The following SV2C variants were observed in gnomAD, a reference collection of about 807,000 sequenced individuals.
The protein encoded by SV2C is synaptic vesicle glycoprotein 2C.
In SV2C, 49 loss-of-function variants were observed where a neutral mutation model predicts 79.7. The ratio of observed to expected loss-of-function variants is 0.61; its 90% CI spans 0.49 to 0.78. The LOEUF (loss-of-function observed/expected upper bound fraction) is 0.78, where lower values mean the gene tolerates loss of function less well. Among genes scored for constraint, SV2C ranks in the 30% least tolerant of loss-of-function variants. The pLI is 0.00. For synonymous variants in SV2C, 334 were observed against 333.2 expected (o/e 1.00, Z -0.03); for missense variants, 833 against 912.9 (o/e 0.91, Z 1.13).
Position 76,174,002 on chromosome 5 carries a change from G to A in SV2C, c.581-20917G>A, listed in dbSNP as rs766795128. On this transcript the variant is annotated intron_variant, in intron 2 of 12. Transcript: ENST00000502798. The stretch of plus-strand genomic sequence containing the variant: ...ATCCCTCATTGCTGTAAATTGCTCC[G>A]TTCCTGCAGTATCCAAGATTTCAAG... 3.0e-5 allele frequency: 47 copies of A among 1,565,246 alleles called. No individual in the cohort carries two copies. The East Asian group carries it at 4.3e-4, about 14-fold the overall frequency.
intron 2 of SV2C, among the ~76,000 whole-genome samples, chr5:76,182,210 T>C (rs1347361737): frequency 6.6e-6 from 1 of 152,202 alleles, no homozygotes; most frequent in East Asian, 1.9e-4. Flanking sequence ...CCTGTTCACA[T>C]AGAGTAGAAT....
At chr5:76,315,188 G>GCA (rs10606819) in intron 12 of SV2C, among the ~76,000 whole-genome samples, 12,076 of 145,066 alleles carry the variant, frequency 0.083, 777 homozygotes, top group African/African-American at 0.19. Context: ...ATGGCCAGGC[G>GCA]CACACACACA....
chr5:76,093,781 T>C (rs1034420545), intron 1 of SV2C, among the ~76,000 whole-genome samples: 4 of 147,066 alleles, frequency 2.7e-5, no homozygotes, highest in South Asian at 2.3e-4. Flanking sequence ...AAGAAACTCA[T>C]TGGAGAACAC....
At position 76,326,338 on chromosome 5, in the gene SV2C, A is replaced by C. The variant is rs1425431218; in HGVS notation, c.*791A>C. 2.6e-5 allele frequency: 4 copies of C among 151,916 alleles called. No homozygotes were observed. Among genetic ancestry groups the C allele is most frequent in the African/African-American group, 7.3e-5 (3 of 41,338 alleles). 9.4% of individuals were successfully genotyped at this position (151,916 alleles called of 1,614,324 possible). A position where few individuals can be genotyped will look rare whatever the true frequency, so the allele number is the denominator to read the frequency against. On this transcript the variant is annotated 3_prime_UTR_variant, in exon 13 of 13. Transcript: ENST00000502798. ...GCTTCTGCCTCCATTTACCACTCCC[A>C]CTCCTTCAGCTGCCCTTGGTCTTGC...
intron 2 of SV2C, chr5:76,173,770 C>T (rs1743412095): frequency 5.0e-6 from 8 of 1,610,230 alleles, no homozygotes; most frequent in Non-Finnish European, 6.8e-6. Flanking sequence ...CACAGTTGTT[C>T]CATTGTCTTG....
At chr5:76,178,268 A>G (rs1005011369) in intron 2 of SV2C, among the ~76,000 whole-genome samples, 6 of 152,370 alleles carry the variant, frequency 3.9e-5, no homozygotes, top group Admixed American at 1.3e-4. Flanking sequence ...AAGGAGAGGC[A>G]ACATAGACTT....
rs1426930086 is a variant in SV2C, at chr5:76,348,342, C to T, written c.2001-4788C>T. Among the ~76,000 whole-genome samples the T allele has an allele frequency of 2.0e-5, 3 of 152,170 alleles. No homozygotes were observed. In the East Asian group the frequency reaches 5.8e-4, roughly 29 times the overall value. On this transcript the variant is annotated intron_variant, in intron 12 of 12. Transcript: ENST00000322285. ...GTGCATCCATTTATCTATTCACCTA[C>T]TAACAAACATCTTGGTTGCCTCCAA...
chr5:75,859,987 AG>A, the SV2C span, among the ~76,000 whole-genome samples: 3 of 152,154 alleles, frequency 2.0e-5, no homozygotes, highest in African/African-American at 7.2e-5. Context: ...GCCCTGAGCA[AG>A]CCTCCGAAGC....
chr5:75,918,371 A>G, the SV2C span, among the ~76,000 whole-genome samples: 1 of 152,252 alleles, frequency 6.6e-6, no homozygotes, highest in Non-Finnish European at 1.5e-5. Flanking sequence ...TATGTAATTT[A>G]TAGGCTATTG....
intron 3 of SV2C, among the ~76,000 whole-genome samples, chr5:76,199,383 C>G (rs1369980013): frequency 6.6e-6 from 1 of 152,146 alleles, no homozygotes; most frequent in Non-Finnish European, 1.5e-5. Flanking sequence ...CCTAGGAGTA[C>G]AGTACTTGCC....
chr5:76,027,897 T>A, the SV2C span, among the ~76,000 whole-genome samples: 1 of 152,248 alleles, frequency 6.6e-6, no homozygotes, highest in Non-Finnish European at 1.5e-5. Context: ...TTACATGTCC[T>A]GCATGAGTAC....
chr5:76,031,135 A>C, the SV2C span, among the ~76,000 whole-genome samples: 1 of 152,182 alleles, frequency 6.6e-6, no homozygotes, highest in Non-Finnish European at 1.5e-5. Flanking sequence ...TAATGCCTCC[A>C]AGTCACAGTT....
exon 13 of SV2C, chr5:76,353,535 TAA>T: frequency 6.6e-6 from 1 of 152,554 alleles, no homozygotes; most frequent in East Asian, 1.9e-4. Context: ...CTTTATCACA[TAA>T]AGAGAGAAAA....
chr5:75,866,033 C>T, the SV2C span, among the ~76,000 whole-genome samples: 1 of 152,118 alleles, frequency 6.6e-6, no homozygotes, highest in Non-Finnish European at 1.5e-5. Context: ...AAATGCATCC[C>T]CTGCAGTAAG....
At chr5:76,272,414 C>A (rs1207325355) in intron 4 of SV2C, among the ~76,000 whole-genome samples, 1 of 152,184 alleles carries the variant, frequency 6.6e-6, no homozygotes. Context: ...AAAATTTGAT[C>A]TGGAAGAGAA....
chr5:76,112,326 C>T (rs1213051515), intron 1 of SV2C, among the ~76,000 whole-genome samples: 1 of 152,096 alleles, frequency 6.6e-6, no homozygotes, highest in Non-Finnish European at 1.5e-5. Flanking sequence ...GAAAGAACAC[C>T]AAAAGGAAGT....
intron 12 of SV2C, among the ~76,000 whole-genome samples, chr5:76,344,150 C>T (rs1388570271): frequency 6.6e-6 from 1 of 152,222 alleles, no homozygotes; most frequent in African/African-American, 2.4e-5. Context: ...TATTCTACTT[C>T]TCCCTGTTTT....
chr5:75,928,356 A>C, the SV2C span, among the ~76,000 whole-genome samples: 1 of 152,150 alleles, frequency 6.6e-6, no homozygotes, highest in East Asian at 1.9e-4. Flanking sequence ...AACTGCAGAA[A>C]TGTTGGGAGT....
the SV2C span, among the ~76,000 whole-genome samples, chr5:76,015,014 T>C: frequency 7.9e-5 from 12 of 152,214 alleles, no homozygotes; most frequent in Non-Finnish European, 1.6e-4. Context: ...CAATATTCCA[T>C]ATGATTCATA....
Sources: allele counts gnomAD v4.1 joint callset (sites outside exome capture counted in the v4.1 genomes callset), GRCh38; gene constraint gnomAD v4.1.1; transcripts MANE v1.5; gene names NCBI Gene and HGNC (gene_info 2026-07-23, HGNC 2026-07-21).